Variants in ASTN2 observed in about 807,000 individuals in gnomAD.
ASTN2 encodes astrotactin-2.
Under a neutral mutation model 139.8 loss-of-function variants are expected in ASTN2, and 54 were observed. That is an observed-to-expected ratio of 0.39 (90% CI 0.31 to 0.48). The LOEUF (loss-of-function observed/expected upper bound fraction) is 0.48. Ranked by LOEUF, ASTN2 falls within the 20% of genes least tolerant of loss-of-function variation. The probability of loss-of-function intolerance (pLI) is 0.95; values close to 1 mark genes in which losing one functional copy is unlikely to be tolerated. For missense variants in ASTN2, 1,565 were observed against 1,725.1 expected (o/e 0.91, Z 1.64); for synonymous variants, 756 against 719.5 (o/e 1.05, Z -0.81).
chr9:117,168,139 T>C (rs555599913), intron 3 of ASTN2, among the ~76,000 whole-genome samples: 1 of 151,862 alleles, frequency 6.6e-6, no homozygotes, highest in Admixed American at 6.6e-5. Flanking sequence ...AAGAGGATAG[T>C]GGGAGGAACT....
At chr9:116,753,614 T>C (rs980323440) in intron 13 of ASTN2, among the ~76,000 whole-genome samples, 3 of 152,114 alleles carry the variant, frequency 2.0e-5, no homozygotes, top group Non-Finnish European at 4.4e-5. Context: ...GTGGAGATAA[T>C]ATATGAGAGC....
intron 4 of ASTN2, among the ~76,000 whole-genome samples, chr9:117,096,455 A>C (rs1425568212): frequency 6.6e-6 from 1 of 152,206 alleles, no homozygotes; most frequent in Non-Finnish European, 1.5e-5. Flanking sequence ...ATTGCCTTGA[A>C]GATTAAAGGA....
intron 2 of ASTN2, among the ~76,000 whole-genome samples, chr9:117,248,126 T>G (rs114128885): frequency 7.9e-5 from 12 of 152,306 alleles, no homozygotes; most frequent in African/African-American, 2.9e-4. Context: ...GAATGAGATA[T>G]AGTCTCTGAT....
chr9:117,270,020 T>C (rs9969676), intron 2 of ASTN2, among the ~76,000 whole-genome samples: 12,260 of 152,180 alleles, frequency 0.081, 1,206 homozygotes, highest in African/African-American at 0.23. Flanking sequence ...TAATTTGCCC[T>C]AAATCACAAG....
chr9:117,064,738 A>G (rs1325499405), intron 5 of ASTN2, among the ~76,000 whole-genome samples: 1 of 152,026 alleles, frequency 6.6e-6, no homozygotes, highest in Non-Finnish European at 1.5e-5. Flanking sequence ...TAAAAGCTTA[A>G]GCTTTACCAC....
intron 3 of ASTN2, among the ~76,000 whole-genome samples, chr9:117,166,567 G>A (rs1830674871): frequency 6.6e-6 from 1 of 151,956 alleles, no homozygotes; most frequent in African/African-American, 2.4e-5. Context: ...CAAACCTAAC[G>A]TCTCACAGCT....
intron 22 of ASTN2, among the ~76,000 whole-genome samples, chr9:116,430,192 G>A (rs73520340): frequency 0.03 from 4,512 of 152,314 alleles, 211 homozygotes; most frequent in African/African-American, 0.1. Flanking sequence ...CTTCCAACAT[G>A]CCCAAATGCC....
intron 1 of ASTN2, among the ~76,000 whole-genome samples, chr9:117,410,321 C>T (rs1291229298): frequency 6.6e-6 from 1 of 152,140 alleles, no homozygotes; most frequent in Non-Finnish European, 1.5e-5. Flanking sequence ...GAATGACATA[C>T]AGGTTCACCT....
chr9:117,184,723 C>T (rs533422157), intron 3 of ASTN2, among the ~76,000 whole-genome samples: 1 of 152,268 alleles, frequency 6.6e-6, no homozygotes, highest in South Asian at 2.1e-4. Flanking sequence ...GCACTGAGTT[C>T]CAACTCAGCT....
At chr9:117,294,843 C>T (rs949603903) in intron 1 of ASTN2, among the ~76,000 whole-genome samples, 2 of 152,050 alleles carry the variant, frequency 1.3e-5, no homozygotes, top group Admixed American at 1.3e-4. Flanking sequence ...ACTTTCTGCC[C>T]AACATTCCTA....
At chr9:117,220,272 T>C (rs1357195416) in intron 2 of ASTN2, among the ~76,000 whole-genome samples, 1 of 152,052 alleles carries the variant, frequency 6.6e-6, no homozygotes, top group East Asian at 1.9e-4. Context: ...AAACCCCTCA[T>C]GACTGGGTCC....
intron 1 of ASTN2, among the ~76,000 whole-genome samples, chr9:117,364,129 T>C (rs955405740): frequency 3.9e-5 from 6 of 152,208 alleles, no homozygotes; most frequent in Non-Finnish European, 8.8e-5. Context: ...GACCCACATA[T>C]ATTCCCTCTA....
At chr9:116,974,489 A>C (rs1286319943) in intron 10 of ASTN2, among the ~76,000 whole-genome samples, 1 of 151,682 alleles carries the variant, frequency 6.6e-6, no homozygotes, top group Admixed American at 6.6e-5. Context: ...AGTTAAGAAC[A>C]AAAGATTTAG....
intron 3 of ASTN2, among the ~76,000 whole-genome samples, chr9:117,174,002 GATATA>G (rs1443867889): frequency 2.0e-5 from 3 of 150,860 alleles, no homozygotes; most frequent in South Asian, 2.1e-4. Context: ...TAATAAAATA[GATATA>G]ATATAACACC....
intron 4 of ASTN2, among the ~76,000 whole-genome samples, chr9:117,099,461 CTT>C (rs1828920575): frequency 6.6e-6 from 1 of 152,156 alleles, no homozygotes. Flanking sequence ...AGGAATCAGA[CTT>C]TATTCTTTCC....
In ASTN2 at chr9:116,683,841, C is replaced by G. The variant is rs12337128; in HGVS notation, c.2807-32048G>C. 5.2e-3 allele frequency among the ~76,000 whole-genome samples: 796 copies of G among 151,930 alleles called. 5 individuals are homozygous for G. The highest frequency in any genetic ancestry group is 0.018 in the African/African-American group (759 of 41,428). On this transcript the variant is annotated intron_variant, in intron 16 of 22. Transcript: ENST00000313400. ...AAGTGCAGTAAGAATCTGTTTTTGTCTTGTAACAGGACACAACTGGAGAAA... is the reference window on the plus strand; with the variant it reads ...AAGTGCAGTAAGAATCTGTTTTTGTGTTGTAACAGGACACAACTGGAGAAA...
chr9:116,653,381 G>C (rs1166206520), intron 16 of ASTN2, among the ~76,000 whole-genome samples: 1 of 152,150 alleles, frequency 6.6e-6, no homozygotes, highest in Admixed American at 6.6e-5. Context: ...TTCTTTTATA[G>C]GCTGGCCTTC....
chr9:117,157,011 C>G (rs1327936773), intron 3 of ASTN2, among the ~76,000 whole-genome samples: 1 of 152,000 alleles, frequency 6.6e-6, no homozygotes, highest in South Asian at 2.1e-4. Context: ...CATACACCCT[C>G]TTGTCCATGC....
chr9:117,141,228 A>G, intron 4 of ASTN2, 98 bp downstream of exon 4: 1 of 1,231,820 alleles, frequency 8.1e-7, no homozygotes, highest in Non-Finnish European at 1.1e-6. Flanking sequence ...TTTTATGAGC[A>G]CAGGGAAGCA....
Sources: allele counts gnomAD v4.1 joint callset (sites outside exome capture counted in the v4.1 genomes callset), GRCh38; gene constraint gnomAD v4.1.1; transcripts MANE v1.5; gene names NCBI Gene and HGNC (gene_info 2026-07-23, HGNC 2026-07-21).